The following CACNB2 variants were observed in gnomAD, a reference collection of about 807,000 sequenced individuals.
CACNB2 encodes voltage-dependent L-type calcium channel subunit beta-2.
CACNB2 carries 42 observed loss-of-function variants against 73.3 expected under a neutral mutation model. That is an observed-to-expected ratio of 0.57 (90% CI 0.45 to 0.74). The LOEUF is 0.74. CACNB2 is among the 30% of genes least tolerant of loss of function. CACNB2 has a pLI of 0.00. For synonymous variants in CACNB2, 348 were observed against 310.3 expected, an observed-to-expected ratio of 1.12 and a Z score of -1.28; for missense variants, 940 against 853.0, an observed-to-expected ratio of 1.10 and a Z score of -1.27.
chr10:18,251,013 G>A (rs970414239), intron 2 of CACNB2, among the ~76,000 whole-genome samples: 1 of 152,176 alleles, frequency 6.6e-6, no homozygotes, highest in Non-Finnish European at 1.5e-5. Context: ...CAGCTTTGTT[G>A]GTAAATGATA....
At chr10:18,150,592 G>A (rs1310092012) in intron 1 of CACNB2, among the ~76,000 whole-genome samples, 4 of 152,206 alleles carry the variant, frequency 2.6e-5, no homozygotes, top group Non-Finnish European at 4.4e-5. Context: ...GAACCTGGGA[G>A]GCGGAGGTTG....
chr10:18,319,403 C>T (rs987423436), intron 2 of CACNB2, among the ~76,000 whole-genome samples: 18 of 151,906 alleles, frequency 1.2e-4, no homozygotes, highest in African/African-American at 4.4e-4. Flanking sequence ...AAAATGAGAA[C>T]ACATGGACAC....
intron 2 of CACNB2, among the ~76,000 whole-genome samples, chr10:18,375,453 A>T (rs144936401): frequency 1.2e-3 from 181 of 152,326 alleles, no homozygotes; most frequent in Non-Finnish European, 2.0e-3. Context: ...AGACCTATGC[A>T]TTGGGAAAAT....
intron 5 of CACNB2, among the ~76,000 whole-genome samples, chr10:18,505,083 A>T (rs1589578888): frequency 6.6e-6 from 1 of 152,330 alleles, no homozygotes; most frequent in East Asian, 1.9e-4. Context: ...AGAACTTGGC[A>T]TTTTAATAGA....
chr10:18,140,809 C>G lies in CACNB2; in HGVS notation c.73C>G (p.Leu25Val), dbSNP rs775097809. The G allele has an allele frequency of 1.1e-5, 17 of 1,604,464 alleles. No homozygotes were observed. Among genetic ancestry groups the G allele is most frequent in the Middle Eastern group, 1.7e-4 (1 of 5,990 alleles). The change falls in exon 1 of 14, where the codon CTG becomes GTG. Residue 25 changes from leucine (L) to valine (V), a missense_variant. Coordinates refer to ENST00000324631, the MANE Select transcript of CACNB2 (RefSeq NM_201596.3). ...GGTGGCGCAGGAGATCCAGATGGAA[C>G]TGCTAGAGAACGTGGCTCCCGCGGG... ...AAVAQEIQMELLENVAPAGAL... is the reference protein window; with the variant it reads ...AAVAQEIQMEVLENVAPAGAL...
At chr10:18,364,719 C>G (rs578203459) in intron 2 of CACNB2, among the ~76,000 whole-genome samples, 119 of 152,224 alleles carry the variant, frequency 7.8e-4, no homozygotes, top group Non-Finnish European at 1.2e-3. Flanking sequence ...TTGTTGCCAC[C>G]GTTTCTTTTG....
chr10:18,374,315 C>T (rs964185388), intron 2 of CACNB2, among the ~76,000 whole-genome samples: 3 of 152,130 alleles, frequency 2.0e-5, no homozygotes, highest in Admixed American at 6.5e-5. Context: ...ACAAGATCAC[C>T]TTTCAAAGGC....
chr10:18,204,065 A>C (rs1317134320), intron 2 of CACNB2, among the ~76,000 whole-genome samples: 1 of 152,210 alleles, frequency 6.6e-6, no homozygotes, highest in Non-Finnish European at 1.5e-5. Context: ...ATAGGAGAAA[A>C]AACGTTTAAT....
rs563015457 is a variant in CACNB2 at position 18,291,386 on chromosome 10, C to G, written c.214-110538C>G. Among the ~76,000 whole-genome samples the G allele has an allele frequency of 3.9e-5, 6 of 152,278 alleles. No homozygotes were observed. In the South Asian group the frequency reaches 1.2e-3, roughly 32 times the overall value. Reference sequence around the variant, plus strand: ...AATTGAACAGCCGAGAGAGGAACACCTCTGTGATTTTGGACGTTTCCACGT... The same window carrying G: ...AATTGAACAGCCGAGAGAGGAACACGTCTGTGATTTTGGACGTTTCCACGT... On this transcript the variant is annotated intron_variant, in intron 2 of 13. Coordinates refer to ENST00000324631, the MANE Select transcript of CACNB2 (RefSeq NM_201596.3).
At chr10:18,535,139 T>G (rs1207680564) in intron 11 of CACNB2, among the ~76,000 whole-genome samples, 3 of 152,338 alleles carry the variant, frequency 2.0e-5, no homozygotes, top group South Asian at 2.1e-4. Context: ...GAACCATTAT[T>G]GTTTGTATGA....
Position 18,442,972 on chromosome 10 carries a change from G to GTATA in CACNB2, c.333+40939_333+40942dup, listed in dbSNP as rs1171432723. Reference sequence around the variant, plus strand: ...TATATATATATGTATATATATATGTGTATATATATATATGTATATATATAT... The same window carrying GTATA: ...TATATATATATGTATATATATATGTGTATATATATATATATATGTATATATATAT... On this transcript the variant is annotated intron_variant, in intron 3 of 13. Transcript: ENST00000324631. Among the ~76,000 whole-genome samples the GTATA allele has an allele frequency of 5.1e-3, 69 of 13,526 alleles. 4 individuals are homozygous for GTATA. The highest frequency in any genetic ancestry group is 0.011 in the South Asian group (4 of 380). The allele number at this position is 13,526 out of a possible 152,430, so 8.9% of individuals were successfully genotyped here.
chr10:18,538,371 G>A lies in CACNB2; in HGVS notation c.1488+6G>A, dbSNP rs966376165. 5.7e-5 allele frequency: 92 copies of A among 1,605,782 alleles called. No individual in the cohort carries two copies. The highest frequency in any genetic ancestry group is 7.7e-5 in the Non-Finnish European group (90 of 1,172,172). ...CCCTAGCCTCTAATTCACAGGTAAGGGGAGTTTTTATATATATCTATATAT... is the reference window on the plus strand; with the variant it reads ...CCCTAGCCTCTAATTCACAGGTAAGAGGAGTTTTTATATATATCTATATAT... On this transcript the variant is annotated splice_donor_region_variant and intron_variant, in intron 13 of 13. Transcript: ENST00000324631.
At chr10:18,442,391 C>T (rs957656915) in intron 3 of CACNB2, among the ~76,000 whole-genome samples, 1 of 151,966 alleles carries the variant, frequency 6.6e-6, no homozygotes, top group African/African-American at 2.4e-5. Context: ...CTCAGGTGAT[C>T]CACCCACCTC....
intron 2 of CACNB2, among the ~76,000 whole-genome samples, chr10:18,174,192 C>A (rs550407225): frequency 7.3e-5 from 11 of 149,772 alleles, no homozygotes; most frequent in African/African-American, 2.7e-4. Context: ...TTACCTCCCT[C>A]CCTCCCTCCT....
intron 3 of CACNB2, among the ~76,000 whole-genome samples, chr10:18,450,836 C>T (rs1181327541): frequency 6.6e-6 from 1 of 152,040 alleles, no homozygotes; most frequent in African/African-American, 2.4e-5. Flanking sequence ...CGGGTTTCAC[C>T]ATGTTGGCCA....
chr10:18,366,046 T>C (rs1217651154), intron 2 of CACNB2, among the ~76,000 whole-genome samples: 1 of 152,180 alleles, frequency 6.6e-6, no homozygotes, highest in Non-Finnish European at 1.5e-5. Context: ...TCTTGCTTAT[T>C]TCATTCTGGT....
intron 2 of CACNB2, among the ~76,000 whole-genome samples, chr10:18,367,632 A>G (rs1185874460): frequency 6.6e-6 from 1 of 152,160 alleles, no homozygotes; most frequent in Non-Finnish European, 1.5e-5. Context: ...AGGATTCTGT[A>G]TTGTTCTCAA....
intron 3 of CACNB2, among the ~76,000 whole-genome samples, chr10:18,430,337 G>GA (rs2045825149): frequency 6.6e-6 from 1 of 152,044 alleles, no homozygotes; most frequent in Non-Finnish European, 1.5e-5. Context: ...AGGAGGGAGA[G>GA]AAAATACATT....
chr10:18,290,106 C>CTTTTTTTT (rs2038998237), intron 2 of CACNB2, among the ~76,000 whole-genome samples: 6 of 40,084 alleles, frequency 1.5e-4, no homozygotes, highest in Non-Finnish European at 2.3e-4. Flanking sequence ...TTTCTTTTTT[C>CTTTTTTTT]TTTTTCTTTT....
Sources: allele counts gnomAD v4.1 joint callset (sites outside exome capture counted in the v4.1 genomes callset), GRCh38; gene constraint gnomAD v4.1.1; transcripts MANE v1.5; gene names NCBI Gene and HGNC (gene_info 2026-07-23, HGNC 2026-07-21).